The following ARHGAP20 variants were observed in gnomAD, a reference collection of about 807,000 sequenced individuals.
ARHGAP20 encodes the protein Rho GTPase activating protein 20.
ARHGAP20 carries 34 observed loss-of-function variants against 73.7 expected under a neutral mutation model. The observed-to-expected ratio is 0.46, with a 90% confidence interval of 0.35 to 0.61. The LOEUF is 0.61. Among genes scored for constraint, ARHGAP20 ranks in the 20% least tolerant of loss-of-function variants. The probability of loss-of-function intolerance (pLI) is 0.00; values close to 1 mark genes in which losing one functional copy is unlikely to be tolerated. For missense variants in ARHGAP20, 1,314 were observed against 1,420.9 expected, an observed-to-expected ratio of 0.92 and a Z score of 1.21; for synonymous variants, 523 against 518.2, an observed-to-expected ratio of 1.01 and a Z score of -0.13.
chr11:110,615,077 GGA>G (rs1268261284), intron 5 of ARHGAP20, among the ~76,000 whole-genome samples: 2 of 152,104 alleles, frequency 1.3e-5, no homozygotes, highest in Non-Finnish European at 2.9e-5. Flanking sequence ...GCGTGGAGAG[GGA>G]GAGAGGACAG....
chr11:110,659,821 G>A (rs1310762861), intron 2 of ARHGAP20, among the ~76,000 whole-genome samples: 2 of 151,152 alleles, frequency 1.3e-5, no homozygotes, highest in African/African-American at 2.4e-5. Flanking sequence ...ACCAAACACC[G>A]CATATTCTCA....
At chr11:110,618,769 T>C (rs1217979082) in intron 4 of ARHGAP20, among the ~76,000 whole-genome samples, 4 of 92,434 alleles carry the variant, frequency 4.3e-5, no homozygotes, top group Non-Finnish European at 8.8e-5. Context: ...ATATATGTAG[T>C]GATAGAGTGT....
At chr11:110,643,662 A>C (rs1261914575) in intron 2 of ARHGAP20, among the ~76,000 whole-genome samples, 2 of 151,836 alleles carry the variant, frequency 1.3e-5, no homozygotes, top group Admixed American at 1.3e-4. Context: ...TAGTTGATTG[A>C]GATTTGCTTT....
chr11:110,647,680 AAC>A (rs1329294260), intron 2 of ARHGAP20, among the ~76,000 whole-genome samples: 2 of 152,188 alleles, frequency 1.3e-5, no homozygotes, highest in African/African-American at 2.4e-5. Flanking sequence ...TAGAAATGGA[AAC>A]ACACAAAAGT....
At chr11:110,592,820 C>A (rs1947862033) in intron 9 of ARHGAP20, among the ~76,000 whole-genome samples, 1 of 152,106 alleles carries the variant, frequency 6.6e-6, no homozygotes, top group African/African-American at 2.4e-5. Flanking sequence ...AAGTTTTTTC[C>A]TTTCTTTGCA....
At position 110,580,878 on chromosome 11, in the gene ARHGAP20, C is replaced by A. The variant is rs1184887287; in HGVS notation, c.2068G>T (p.Ala690Ser). Residue 690 changes from alanine (A) to serine (S), a missense_variant, in exon 15 of 15, where the codon GCA (alanine) becomes TCA (serine). Ala to Ser is a moderately conservative substitution (Grantham distance 99, BLOSUM62 1). Transcript: ENST00000683387. ...MCTPSYLSTA[A>S]ANAAKSLRRH... ...CTCAGGCTTTTTGCAGCATTTGCTG[C>A]AGCTGTGGACAGGTAGCTGGGTGTG... The A allele has an allele frequency of 6.2e-7, 1 of 1,612,376 alleles. No homozygotes were observed. Among genetic ancestry groups the A allele is most frequent in the African/African-American group, 1.3e-5 (1 of 74,996 alleles).
intron 2 of ARHGAP20, among the ~76,000 whole-genome samples, chr11:110,678,909 AC>A (rs1470952795): frequency 1.3e-5 from 2 of 151,538 alleles, no homozygotes; most frequent in Non-Finnish European, 2.9e-5. Context: ...ATGCAATTCC[AC>A]CCGCCTTGGC....
chr11:110,580,255 C>A lies in ARHGAP20; in HGVS notation c.2691G>T (p.Lys897Asn). The A allele has an allele frequency of 1.2e-6, 2 of 1,614,222 alleles. No individual in the cohort carries two copies. The highest frequency in any genetic ancestry group is 1.7e-6 in the Non-Finnish European group (2 of 1,180,028). ...CCATGACTAAACTCTGATTAATGAG[C>A]TTCTGCCCCTCCATTTGCAAAGACT... ...RHKSLQMEGQKLINQSLVMGI... is the reference protein window; with the variant it reads ...RHKSLQMEGQNLINQSLVMGI... The change falls in exon 15 of 15, where the codon AAG becomes AAT. Residue 897 changes from lysine (K) to asparagine (N), a missense_variant. Transcript: ENST00000683387.
At chr11:110,610,228 G>A (rs894762469) in intron 7 of ARHGAP20, among the ~76,000 whole-genome samples, 19 of 151,908 alleles carry the variant, frequency 1.3e-4, no homozygotes, top group African/African-American at 4.4e-4. Flanking sequence ...AAAATTTAAC[G>A]AATTATTAGA....
At chr11:110,681,468 A>G (rs1321971767) in intron 2 of ARHGAP20, among the ~76,000 whole-genome samples, 1 of 152,114 alleles carries the variant, frequency 6.6e-6, no homozygotes, top group Non-Finnish European at 1.5e-5. Context: ...TCCCATTACT[A>G]TATCTGAAAG....
intron 1 of ARHGAP20, among the ~76,000 whole-genome samples, chr11:110,695,141 C>A (rs556413074): frequency 6.6e-6 from 1 of 151,484 alleles, no homozygotes; most frequent in Admixed American, 6.6e-5. Context: ...AATGGGATAT[C>A]CACATACAAA....
rs1356653376 is a variant in ARHGAP20, at chr11:110,614,724, A to T, written c.546-79T>A. The stretch of plus-strand genomic sequence containing the variant: ...AATGGCTTATTTTAAAAATCAATTT[A>T]TTTTGCTAATATTTCCAATATACTT... On this transcript the variant is annotated intron_variant, in intron 5 of 14. Coordinates refer to ENST00000683387, the MANE Select transcript of ARHGAP20 (RefSeq NM_001384657.1). The T allele has an allele frequency of 4.1e-6, 4 of 970,784 alleles. No individual in the cohort carries two copies. In the African/African-American group the frequency reaches 5.1e-5, roughly 12 times the overall value. 60.1% of individuals were successfully genotyped at this position (970,784 alleles called of 1,614,324 possible).
chr11:110,642,758 T>C (rs1949102831), intron 2 of ARHGAP20, among the ~76,000 whole-genome samples: 1 of 152,118 alleles, frequency 6.6e-6, no homozygotes, highest in South Asian at 2.1e-4. Context: ...TTATTCATTG[T>C]TGCTTTGCCA....
intron 11 of ARHGAP20, chr11:110,589,697 CTCTA>C (rs1244565659): frequency 1.0e-6 from 1 of 985,220 alleles, no homozygotes; most frequent in African/African-American, 1.7e-5. Context: ...TTTTAGAACT[CTCTA>C]TCTCTGTAAC....
In ARHGAP20 at chr11:110,592,157, T is replaced by A. The variant is rs755035763; in HGVS notation, c.965-2A>T. 1 of 1,610,080 alleles carries A rather than the reference T, an allele frequency of 6.2e-7. No homozygotes were observed. The highest frequency in any genetic ancestry group is 8.5e-7 in the Non-Finnish European group (1 of 1,177,486). On this transcript the variant is annotated splice_acceptor_variant, in intron 9 of 14. Transcript: ENST00000683387. LOFTEE classifies it high-confidence loss of function. ...TTTTAAATGTCTTATGACCTGAATC[T>A]AAGGAAGAAGTGAGCTTATTAGAAA...
At chr11:110,698,940 C>G (rs1019863443) in intron 1 of ARHGAP20, among the ~76,000 whole-genome samples, 1 of 151,412 alleles carries the variant, frequency 6.6e-6, no homozygotes, top group South Asian at 2.1e-4. Flanking sequence ...CTTGTTATTT[C>G]TTTTTTTGTG....
Position 110,578,852 on chromosome 11 carries a change from T to G in ARHGAP20, c.*518A>C. 1 of 985,880 alleles carries G rather than the reference T, an allele frequency of 1.0e-6. No individual in the cohort carries two copies. Among genetic ancestry groups the G allele is most frequent in the Non-Finnish European group, 1.2e-6 (1 of 830,024 alleles). 61.1% of individuals were successfully genotyped at this position (985,880 alleles called of 1,614,324 possible). A position where few individuals can be genotyped will look rare whatever the true frequency, so the allele number is the denominator to read the frequency against. ...AGTAAGATCCCACAAAAATGGCCAC[T>G]GGCTTAGATTTAGGGAAAGATTTTA... On this transcript the variant is annotated 3_prime_UTR_variant, in exon 15 of 15. Coordinates refer to ENST00000683387, the MANE Select transcript of ARHGAP20 (RefSeq NM_001384657.1).
chr11:110,595,763 T>C (rs1591303540), intron 9 of ARHGAP20, among the ~76,000 whole-genome samples: 1 of 152,252 alleles, frequency 6.6e-6, no homozygotes, highest in African/African-American at 2.4e-5. Context: ...AAGCTACCAA[T>C]GACTTTCTTC....
At chr11:110,620,865 A>G (rs1191196272) in intron 4 of ARHGAP20, among the ~76,000 whole-genome samples, 1 of 151,936 alleles carries the variant, frequency 6.6e-6, no homozygotes, top group Non-Finnish European at 1.5e-5. Flanking sequence ...TGAGGTCAGG[A>G]GTTTGAGACC....
Sources: gnomAD v4.1 joint callset for allele counts (sites outside exome capture counted in the v4.1 genomes callset) on GRCh38, gnomAD v4.1.1 for gene constraint, MANE v1.5 for transcripts, NCBI Gene and HGNC (gene_info 2026-07-23, HGNC 2026-07-21) for gene names.